The following TMEM263 variants were observed in gnomAD, a reference collection of about 807,000 sequenced individuals.
The protein encoded by TMEM263 is transmembrane protein 263.
A neutral mutation model predicts 8.6 loss-of-function variants in TMEM263; 5 were observed. The observed-to-expected ratio is 0.58, with a 90% CI of 0.31 to 1.23. The LOEUF (loss-of-function observed/expected upper bound fraction) is 1.23, where lower values mean the gene tolerates loss of function less well. Ranked by LOEUF, TMEM263 falls within the 50% of genes most tolerant of loss-of-function variation. The pLI is 0.07. For synonymous variants in TMEM263, 50 were observed against 47.9 expected (o/e 1.04, Z -0.18); for missense variants, 104 against 138.8 (o/e 0.75, Z 1.26).
intron 3 of TMEM263, among the ~76,000 whole-genome samples, chr12:106,968,560 G>A (rs1951875531): frequency 6.6e-6 from 1 of 152,128 alleles, no homozygotes; most frequent in Non-Finnish European, 1.5e-5. Flanking sequence ...TCAGAAAAGG[G>A]ATAAATAAAG....
rs1951680406 is a variant in TMEM263 at position 106,955,949 on chromosome 12, C to T, written c.-191C>T. 6.1e-6 allele frequency: 6 copies of T among 986,286 alleles called. No individual in the cohort carries two copies. Among genetic ancestry groups the T allele is most frequent in the Non-Finnish European group, 7.2e-6 (6 of 830,718 alleles). The allele number at this position is 986,286 out of a possible 1,614,324, so 61.1% of individuals were successfully genotyped here. ...CATCCTGAGAGGACGCCTCTGGAGCCGCGACTGCCCGGGGTTGTGCCGGCC... is the reference window on the plus strand; with the variant it reads ...CATCCTGAGAGGACGCCTCTGGAGCTGCGACTGCCCGGGGTTGTGCCGGCC... On this transcript the variant is annotated 5_prime_UTR_variant, in exon 1 of 4. Transcript: ENST00000280756.
intron 2 of TMEM263, among the ~76,000 whole-genome samples, chr12:106,962,426 T>TG (rs1383447552): frequency 6.6e-6 from 1 of 152,242 alleles, no homozygotes; most frequent in Non-Finnish European, 1.5e-5. Context: ...ATTCCTCTCT[T>TG]GCGTTCCATG....
At position 106,955,935 on chromosome 12, in the gene TMEM263, G is replaced by C; in HGVS notation, c.-205G>C. 1 of 985,794 alleles carries C rather than the reference G, an allele frequency of 1.0e-6. No individual in the cohort carries two copies. Among genetic ancestry groups the C allele is most frequent in the Non-Finnish European group, 1.2e-6 (1 of 830,282 alleles). The allele number at this position is 985,794 out of a possible 1,614,324, so 61.1% of individuals were successfully genotyped here. On this transcript the variant is annotated 5_prime_UTR_variant, in exon 1 of 4. Coordinates refer to ENST00000280756, the MANE Select transcript of TMEM263 (RefSeq NM_152261.4). Reference sequence around the variant, plus strand: ...GTCTTCCAGCTCCACATCCTGAGAGGACGCCTCTGGAGCCGCGACTGCCCG... The same window carrying C: ...GTCTTCCAGCTCCACATCCTGAGAGCACGCCTCTGGAGCCGCGACTGCCCG...
rs1440075528 is a variant in TMEM263, at chr12:106,972,574, C to T, written c.*1183C>T. 6.6e-6 allele frequency: 1 copy of T among 151,960 alleles called. No homozygotes were observed. The highest frequency in any genetic ancestry group is 1.9e-4 in the East Asian group (1 of 5,192). 9.4% of individuals were successfully genotyped at this position (151,960 alleles called of 1,614,324 possible). On this transcript the variant is annotated 3_prime_UTR_variant, in exon 4 of 4. Transcript: ENST00000280756. Reference sequence around the variant, plus strand: ...TTATCTTACAGTCCTTTAAAGCAGCCATAGAGTTTGTATCATTTTTCAAGC... The same window carrying T: ...TTATCTTACAGTCCTTTAAAGCAGCTATAGAGTTTGTATCATTTTTCAAGC...
rs529335708 is a variant in TMEM263, at chr12:106,971,726, A to T, written c.*335A>T. The T allele has an allele frequency of 5.2e-6, 1 of 193,520 alleles. No individual in the cohort carries two copies. The highest frequency in any genetic ancestry group is 5.8e-5 in the Admixed American group (1 of 17,378). 12.0% of individuals were successfully genotyped at this position (193,520 alleles called of 1,614,324 possible). ...TTTAGTAGATGATCTTCACAGTTCC[A>T]TATGTATAATGTGCCAGGTAACTCA... On this transcript the variant is annotated 3_prime_UTR_variant, in exon 4 of 4. Transcript: ENST00000280756.
chr12:106,965,499 C>T lies in TMEM263; in HGVS notation c.-6-1612C>T, dbSNP rs147789117. On this transcript the variant is annotated intron_variant, in intron 2 of 3. Coordinates refer to ENST00000280756, the MANE Select transcript of TMEM263 (RefSeq NM_152261.4). Reference sequence around the variant, plus strand: ...ATGCACGACTGTAGTCCCAGCTACTCGGGAGGCTGAAGCAGAAGAATTACT... The same window carrying T: ...ATGCACGACTGTAGTCCCAGCTACTTGGGAGGCTGAAGCAGAAGAATTACT... Among the ~76,000 whole-genome samples the T allele has an allele frequency of 1.8e-3, 254 of 143,558 alleles. 2 individuals are homozygous for T. Among genetic ancestry groups the T allele is most frequent in the African/African-American group, 6.9e-3 (241 of 34,910 alleles). 94.2% of individuals were successfully genotyped at this position (143,558 alleles called of 152,430 possible).
intron 3 of TMEM263, among the ~76,000 whole-genome samples, chr12:106,968,388 A>AT (rs1393767785): frequency 6.6e-6 from 1 of 152,062 alleles, no homozygotes; most frequent in Non-Finnish European, 1.5e-5. Context: ...AAAAAAAAAA[A>AT]AGAACTAGCT....
At chr12:106,965,849 C>A (rs1451529430) in intron 2 of TMEM263, among the ~76,000 whole-genome samples, 1 of 151,846 alleles carries the variant, frequency 6.6e-6, no homozygotes, top group Admixed American at 6.6e-5. Context: ...TGCCTCTGTT[C>A]ATAAGAGCTT....
chr12:106,967,391 TG>T (rs1593469227), intron 3 of TMEM263: 1 of 386,054 alleles, frequency 2.6e-6, no homozygotes, highest in East Asian at 5.5e-5. Context: ...CCCAAGTAGC[TG>T]GGATTACAGG....
At position 106,972,588 on chromosome 12, in the gene TMEM263, C is replaced by A. The variant is rs578220520; in HGVS notation, c.*1197C>A. On this transcript the variant is annotated 3_prime_UTR_variant, in exon 4 of 4. Coordinates refer to ENST00000280756, the MANE Select transcript of TMEM263 (RefSeq NM_152261.4). ...TTTAAAGCAGCCATAGAGTTTGTAT[C>A]ATTTTTCAAGCCAATTTCAGTCAGG... 1 of 152,162 alleles carries A rather than the reference C, an allele frequency of 6.6e-6. No homozygotes were observed. Among genetic ancestry groups the A allele is most frequent in the South Asian group, 2.1e-4 (1 of 4,822 alleles). 9.4% of individuals were successfully genotyped at this position (152,162 alleles called of 1,614,324 possible).
Position 106,972,035 on chromosome 12 carries a change from C to T in TMEM263, c.*644C>T, listed in dbSNP as rs1011440870. The stretch of plus-strand genomic sequence containing the variant: ...TCTAATACCCTGAATATGTGCTGTT[C>T]TTAGAATCATCTATGGATTCTTTTA... On this transcript the variant is annotated 3_prime_UTR_variant, in exon 4 of 4. Coordinates refer to ENST00000280756, the MANE Select transcript of TMEM263 (RefSeq NM_152261.4). 1.3e-5 allele frequency: 2 copies of T among 152,602 alleles called. No homozygotes were observed. The highest frequency in any genetic ancestry group is 6.5e-5 in the Admixed American group (1 of 15,278). The allele number at this position is 152,602 out of a possible 1,614,324, so 9.5% of individuals were successfully genotyped here. A position where few individuals can be genotyped will look rare whatever the true frequency, so the allele number is the denominator to read the frequency against.
chr12:106,957,068 A>G lies in TMEM263; in HGVS notation c.-74-14A>G. 6.1e-6 allele frequency: 6 copies of G among 984,828 alleles called. No homozygotes were observed. The highest frequency in any genetic ancestry group is 6.0e-6 in the Non-Finnish European group (5 of 829,428). The allele number at this position is 984,828 out of a possible 1,614,324, so 61.0% of individuals were successfully genotyped here. On this transcript the variant is annotated splice_polypyrimidine_tract_variant and intron_variant, in intron 1 of 3. Transcript: ENST00000280756. ...TTTGCTATATGTGATTATTTGCTGT[A>G]TGCTATTGTTTAGCCTTTGAAACTT...
At chr12:106,959,279 G>C (rs924466847) in intron 2 of TMEM263, 1 of 152,172 alleles carries the variant, frequency 6.6e-6, no homozygotes, top group African/African-American at 2.4e-5. Context: ...GTCTTGCTCT[G>C]TCGCCCAGGC....
In TMEM263 at chr12:106,967,286, C is replaced by G. The variant is rs374603711; in HGVS notation, c.64+106C>G. 3.2e-4 allele frequency: 235 copies of G among 731,730 alleles called. No individual in the cohort carries two copies. The East Asian group carries it at 5.4e-3, about 17-fold the overall frequency. The allele number at this position is 731,730 out of a possible 1,614,324, so 45.3% of individuals were successfully genotyped here. A position where few individuals can be genotyped will look rare whatever the true frequency, so the allele number is the denominator to read the frequency against. On this transcript the variant is annotated intron_variant, in intron 3 of 3. Transcript: ENST00000280756. ...ATTTTATTTTTTTTTGAGACAGAGT[C>G]TTACTCTGTCAACCCAGGCTGGAGT...
chr12:106,967,265 TA>T (rs761094071), intron 3 of TMEM263, 85 bp downstream of exon 3: 51 of 951,406 alleles, frequency 5.4e-5, no homozygotes, highest in African/African-American at 4.8e-4. Flanking sequence ...TATTTTATTT[TA>T]TTTTTTTTTG....
chr12:106,969,279 A>G (rs891193250), intron 3 of TMEM263, among the ~76,000 whole-genome samples: 1 of 152,198 alleles, frequency 6.6e-6, no homozygotes, highest in Non-Finnish European at 1.5e-5. Context: ...TGATTCTGCT[A>G]GAATCTAATA....
intron 2 of TMEM263, among the ~76,000 whole-genome samples, chr12:106,965,138 T>G (rs142528606): frequency 2.6e-5 from 4 of 152,180 alleles, no homozygotes; most frequent in South Asian, 2.1e-4. Context: ...TGCCACACTT[T>G]ACTGGCTGTT....
rs1323479979 is a variant in TMEM263, at chr12:106,957,132, TCGATA to T, written c.-22_-18del. ...TGCCCTCAGGGGTTCCCCAGGAATA[TCGATA>T]CAACACCAACAGGTAAACGCGCGCG... On this transcript the variant is annotated 5_prime_UTR_variant, in exon 2 of 4. Transcript: ENST00000280756. The T allele has an allele frequency of 2.0e-6, 2 of 985,646 alleles. No homozygotes were observed. The highest frequency in any genetic ancestry group is 1.2e-4 in the Admixed American group (2 of 16,264). 61.1% of individuals were successfully genotyped at this position (985,646 alleles called of 1,614,324 possible).
At chr12:106,964,302 T>C (rs1223419689) in intron 2 of TMEM263, among the ~76,000 whole-genome samples, 1 of 152,214 alleles carries the variant, frequency 6.6e-6, no homozygotes, top group Non-Finnish European at 1.5e-5. Flanking sequence ...ACAGCAAGTA[T>C]TTAATGAAGT....
Sources: gnomAD v4.1 joint callset for allele counts (sites outside exome capture counted in the v4.1 genomes callset) on GRCh38, gnomAD v4.1.1 for gene constraint, MANE v1.5 for transcripts, NCBI Gene and HGNC (gene_info 2026-07-23, HGNC 2026-07-21) for gene names.